Variants in GPC6 observed in about 807,000 individuals in gnomAD.
GPC6 encodes the protein glypican-6.
GPC6 carries 14 observed loss-of-function variants against 55.2 expected under a neutral mutation model. That is an observed-to-expected ratio of 0.25 (90% CI 0.17 to 0.40). GPC6 has a LOEUF of 0.40. Among genes scored for constraint, GPC6 ranks in the 10% least tolerant of loss-of-function variants. The pLI is 1.00. For synonymous variants in GPC6, 278 were observed against 259.6 expected (o/e 1.07, Z -0.68); for missense variants, 641 against 708.5 (o/e 0.90, Z 1.08).
intron 2 of GPC6, among the ~76,000 whole-genome samples, chr13:93,821,371 C>G (rs752064424): frequency 1.1e-4 from 17 of 151,968 alleles, no homozygotes; most frequent in Non-Finnish European, 2.4e-4. Flanking sequence ...GGATGAGGGT[C>G]CTGAAGAGGA....
chr13:93,934,600 C>G (rs1354858889), intron 3 of GPC6, among the ~76,000 whole-genome samples: 2 of 152,156 alleles, frequency 1.3e-5, no homozygotes, highest in Non-Finnish European at 2.9e-5. Flanking sequence ...AGCAGTCACT[C>G]CCCTTCCCCT....
intron 1 of GPC6, among the ~76,000 whole-genome samples, chr13:93,312,918 T>G (rs892344681): frequency 1.3e-5 from 2 of 152,176 alleles, no homozygotes; most frequent in Non-Finnish European, 2.9e-5. Context: ...AGCGCTGCCA[T>G]GCTGTTAAAA....
intron 2 of GPC6, among the ~76,000 whole-genome samples, chr13:93,722,246 A>G (rs184449528): frequency 5.7e-4 from 87 of 151,882 alleles, no homozygotes; most frequent in Middle Eastern, 3.4e-3. Flanking sequence ...GGTTCCTTTT[A>G]TATATACTTG....
chr13:93,428,318 G>C (rs572980008), intron 1 of GPC6, among the ~76,000 whole-genome samples: 1 of 152,244 alleles, frequency 6.6e-6, no homozygotes, highest in East Asian at 1.9e-4. Context: ...TTCACAGAAA[G>C]CAGGTATTAA....
At chr13:94,099,480 TGAACAAATAG>T (rs1432807787) in intron 4 of GPC6, among the ~76,000 whole-genome samples, 1 of 152,124 alleles carries the variant, frequency 6.6e-6, no homozygotes, top group Non-Finnish European at 1.5e-5. Context: ...TATTTGCAAA[TGAACAAATAG>T]GCAATAAGCT....
rs547732736 is a variant in GPC6 at position 93,322,012 on chromosome 13, A to T, written c.160+94396A>T. ...TCTTTTTTCTTCCAATCCATTGCAGATTGGTTCTCTCATAAAATACAGCTA... is the reference window on the plus strand; with the variant it reads ...TCTTTTTTCTTCCAATCCATTGCAGTTTGGTTCTCTCATAAAATACAGCTA... On this transcript the variant is annotated intron_variant, in intron 1 of 8. Coordinates refer to ENST00000377047, the MANE Select transcript of GPC6 (RefSeq NM_005708.5). 5.3e-5 allele frequency among the ~76,000 whole-genome samples: 8 copies of T among 152,178 alleles called. No individual in the cohort carries two copies. In the South Asian group the frequency reaches 1.7e-3, roughly 32 times the overall value.
intron 1 of GPC6, among the ~76,000 whole-genome samples, chr13:93,438,675 C>CA (rs1877663692): frequency 6.6e-6 from 1 of 152,102 alleles, no homozygotes; most frequent in Non-Finnish European, 1.5e-5. Context: ...GAGATGGAAT[C>CA]TACTTCTATT....
intron 4 of GPC6, among the ~76,000 whole-genome samples, chr13:94,219,627 G>A (rs921105615): frequency 6.6e-6 from 1 of 152,136 alleles, no homozygotes; most frequent in Non-Finnish European, 1.5e-5. Flanking sequence ...GATGTGCACA[G>A]AAGCCAATAC....
rs558333691 is a variant in GPC6 at position 93,952,854 on chromosome 13, GTA to G, written c.712-74867_712-74866del. ...ACGTATATATCACACATATATATAC[GTA>G]TATATATGTATATATATACATATAT... On this transcript the variant is annotated intron_variant, in intron 3 of 8. Coordinates refer to ENST00000377047, the MANE Select transcript of GPC6 (RefSeq NM_005708.5). Among the ~76,000 whole-genome samples, 1,373 of 144,190 alleles carry G rather than the reference GTA, an allele frequency of 9.5e-3. 23 individuals are homozygous for G. The highest frequency in any genetic ancestry group is 0.034 in the African/African-American group (1,325 of 39,134). 94.6% of individuals were successfully genotyped at this position (144,190 alleles called of 152,430 possible).
At chr13:94,286,546 A>G (rs953311072) in intron 5 of GPC6, 67 bp downstream of exon 5, 31 of 1,390,494 alleles carry the variant, frequency 2.2e-5, no homozygotes, top group Non-Finnish European at 3.1e-5. Flanking sequence ...CTAAAAACGA[A>G]GTAACTAGAT....
chr13:94,256,084 TAG>T (rs1473515265), intron 4 of GPC6, among the ~76,000 whole-genome samples: 7 of 152,258 alleles, frequency 4.6e-5, no homozygotes, highest in Admixed American at 4.6e-4. Flanking sequence ...TCAGTAAAGA[TAG>T]AGACGTGTAG....
intron 2 of GPC6, among the ~76,000 whole-genome samples, chr13:93,622,694 T>C (rs1297120839): frequency 6.6e-6 from 1 of 152,180 alleles, no homozygotes; most frequent in Non-Finnish European, 1.5e-5. Flanking sequence ...CATGTATACA[T>C]TGTACCATGA....
At chr13:93,671,153 G>A (rs2139627317) in intron 2 of GPC6, among the ~76,000 whole-genome samples, 1 of 152,264 alleles carries the variant, frequency 6.6e-6, no homozygotes, top group Non-Finnish European at 1.5e-5. Flanking sequence ...TAAAGAACAG[G>A]GAGTTCCACA....
intron 3 of GPC6, among the ~76,000 whole-genome samples, chr13:93,990,676 G>A (rs973767299): frequency 2.0e-5 from 3 of 150,764 alleles, no homozygotes; most frequent in Non-Finnish European, 3.0e-5. Context: ...GGGCAACATA[G>A]CAAGACCCAT....
chr13:94,298,272 T>C (rs1875449413), intron 5 of GPC6, among the ~76,000 whole-genome samples: 1 of 152,218 alleles, frequency 6.6e-6, no homozygotes, highest in Non-Finnish European at 1.5e-5. Context: ...TAATGAAATT[T>C]TTTTAACATA....
rs563511781 is a variant in GPC6, at chr13:93,907,655, T to A, written c.711+77110T>A. On this transcript the variant is annotated intron_variant, in intron 3 of 8. Transcript: ENST00000377047. ...CAGAGATTAATAATTAGTTTAAGGA[T>A]ACCCAGCCAGACAGAGGTGCGACCA... Among the ~76,000 whole-genome samples, 41 of 152,288 alleles carry A rather than the reference T, an allele frequency of 2.7e-4. 1 individual carries two copies. Among genetic ancestry groups the A allele is most frequent in the African/African-American group, 9.1e-4 (38 of 41,574 alleles).
At chr13:93,857,206 T>A (rs1002827386) in intron 3 of GPC6, among the ~76,000 whole-genome samples, 2 of 151,240 alleles carry the variant, frequency 1.3e-5, no homozygotes, top group African/African-American at 2.4e-5. Flanking sequence ...CATCAGGGAG[T>A]TTACTCCTAA....
chr13:94,404,507 C>T lies in GPC6; in HGVS notation c.*1290C>T, dbSNP rs1232738198. 3 of 152,172 alleles carry T rather than the reference C, an allele frequency of 2.0e-5. No homozygotes were observed. The highest frequency in any genetic ancestry group is 2.4e-5 in the African/African-American group (1 of 41,428). The allele number at this position is 152,172 out of a possible 1,614,324, so 9.4% of individuals were successfully genotyped here. A position where few individuals can be genotyped will look rare whatever the true frequency, so the allele number is the denominator to read the frequency against. On this transcript the variant is annotated 3_prime_UTR_variant, in exon 9 of 9. Transcript: ENST00000377047. ...TGTGCTGCTCAAAGAAGGGATTCCT[C>T]AGTGATCGGTGAGCACCAAGAATCA... is the stretch of plus-strand genomic sequence containing the variant.
chr13:94,031,385 G>A (rs1883131798), intron 4 of GPC6, among the ~76,000 whole-genome samples: 1 of 152,140 alleles, frequency 6.6e-6, no homozygotes, highest in Non-Finnish European at 1.5e-5. Context: ...CACTTGCTTT[G>A]TAGTAAGTAG....
Sources: allele counts gnomAD v4.1 joint callset (sites outside exome capture counted in the v4.1 genomes callset), GRCh38; gene constraint gnomAD v4.1.1; transcripts MANE v1.5; gene names NCBI Gene and HGNC (gene_info 2026-07-23, HGNC 2026-07-21).